The following FAF1 variants were observed in gnomAD, a reference collection of about 807,000 sequenced individuals.
The protein encoded by FAF1 is FAS-associated factor 1.
Under a neutral mutation model 92.5 loss-of-function variants are expected in FAF1, and 25 were observed. The observed-to-expected ratio is 0.27, with a 90% CI of 0.20 to 0.38. The LOEUF (loss-of-function observed/expected upper bound fraction) is 0.38, where lower values mean the gene tolerates loss of function less well. Ranked by LOEUF, FAF1 falls within the 10% of genes least tolerant of loss-of-function variation. The pLI is 1.00. For missense variants in FAF1, 636 were observed against 793.3 expected, an observed-to-expected ratio of 0.80 and a Z score of 2.38; for synonymous variants, 234 against 273.2, an observed-to-expected ratio of 0.86 and a Z score of 1.42.
At chr1:50,762,364 A>C (rs1244139348) in intron 4 of FAF1, among the ~76,000 whole-genome samples, 5 of 152,170 alleles carry the variant, frequency 3.3e-5, no homozygotes, top group African/African-American at 1.2e-4. Context: ...GGAACCAAAA[A>C]AGAGTCTGCA....
At chr1:50,735,958 A>T (rs1659120429) in intron 6 of FAF1, among the ~76,000 whole-genome samples, 1 of 152,152 alleles carries the variant, frequency 6.6e-6, no homozygotes, top group South Asian at 2.1e-4. Context: ...TTGTCAAGTG[A>T]TCCTCCCACC....
chr1:50,919,591 G>A (rs560376188), intron 1 of FAF1, among the ~76,000 whole-genome samples: 11 of 151,598 alleles, frequency 7.3e-5, no homozygotes, highest in African/African-American at 2.4e-4. Context: ...GGGTTCAAGC[G>A]ATTCTCCTGC....
chr1:50,561,843 ATGG>A (rs1294926385), intron 13 of FAF1, among the ~76,000 whole-genome samples: 61 of 147,392 alleles, frequency 4.1e-4, no homozygotes, highest in Middle Eastern at 6.9e-3. Flanking sequence ...GGATGGACGG[ATGG>A]ACGGAAGGAA....
intron 8 of FAF1, among the ~76,000 whole-genome samples, chr1:50,603,448 C>T (rs1652240334): frequency 6.6e-6 from 1 of 152,114 alleles, no homozygotes; most frequent in Non-Finnish European, 1.5e-5. Flanking sequence ...AGTAAGGAGT[C>T]CTGAAGATGA....
rs113771907 is a variant in FAF1 at position 50,456,739 on chromosome 1, G to A, written c.1870-15216C>T. On this transcript the variant is annotated intron_variant, in intron 18 of 18. Coordinates refer to ENST00000396153, the MANE Select transcript of FAF1 (RefSeq NM_007051.3). ...TCTGCTCTCAGGAGTATACAGTCTA[G>A]GGCAGAATGCTGACAAGAAAAGAAT... Among the ~76,000 whole-genome samples, 195 of 152,238 alleles carry A rather than the reference G, an allele frequency of 1.3e-3. 1 individual carries two copies. The highest frequency in any genetic ancestry group is 4.4e-3 in the African/African-American group (182 of 41,546).
intron 13 of FAF1, among the ~76,000 whole-genome samples, chr1:50,548,037 C>T (rs1184154017): frequency 6.6e-6 from 1 of 152,198 alleles, no homozygotes. Flanking sequence ...AATTCCTTCT[C>T]TAGCAATGCA....
intron 2 of FAF1, among the ~76,000 whole-genome samples, chr1:50,820,752 T>G (rs955833619): frequency 6.6e-6 from 1 of 152,156 alleles, no homozygotes; most frequent in Non-Finnish European, 1.5e-5. Context: ...GATGTTGGTC[T>G]TTTTGTGTCT....
chr1:50,923,731 C>T (rs1644983236), intron 1 of FAF1, among the ~76,000 whole-genome samples: 1 of 152,130 alleles, frequency 6.6e-6, no homozygotes, highest in South Asian at 2.1e-4. Flanking sequence ...GATCACTCAC[C>T]ATAAGTGGGA....
chr1:50,809,902 A>G (rs1662353006), intron 2 of FAF1, among the ~76,000 whole-genome samples: 1 of 152,222 alleles, frequency 6.6e-6, no homozygotes, highest in Admixed American at 6.5e-5. Context: ...TCAGCAGCAT[A>G]TCCAAAAGCT....
In FAF1 at chr1:50,915,128, T is replaced by C. The variant is rs188895221; in HGVS notation, c.45+44639A>G. On this transcript the variant is annotated intron_variant, in intron 1 of 18. Coordinates refer to ENST00000396153, the MANE Select transcript of FAF1 (RefSeq NM_007051.3). ...GCTCATGCCTGTAATCCTAGCACTT[T>C]GGAAGGCTGAGGCGGACAGATCACC... Among the ~76,000 whole-genome samples the C allele has an allele frequency of 1.1e-4, 16 of 152,304 alleles. No individual in the cohort carries two copies. In the East Asian group the frequency reaches 2.3e-3, roughly 22 times the overall value.
intron 2 of FAF1, among the ~76,000 whole-genome samples, chr1:50,828,253 T>C (rs910208334): frequency 2.0e-5 from 3 of 149,652 alleles, no homozygotes; most frequent in African/African-American, 7.5e-5. Flanking sequence ...GAAAAAAGGG[T>C]CTTTTCTTTT....
At chr1:50,894,639 TA>T (rs879791877) in intron 1 of FAF1, among the ~76,000 whole-genome samples, 151 of 141,722 alleles carry the variant, frequency 1.1e-3, no homozygotes, top group Non-Finnish European at 9.0e-4. Context: ...CTTAAGACAC[TA>T]AAAAAAAAAA....
At chr1:50,903,785 A>C (rs1458244693) in intron 1 of FAF1, among the ~76,000 whole-genome samples, 1 of 152,210 alleles carries the variant, frequency 6.6e-6, no homozygotes, top group Non-Finnish European at 1.5e-5. Context: ...TCCCTTAACA[A>C]GAAATTAGGG....
At chr1:50,928,782 C>CAAAAAAAAAAA (rs1157426126) in intron 1 of FAF1, among the ~76,000 whole-genome samples, 4 of 39,700 alleles carry the variant, frequency 1.0e-4, no homozygotes, top group East Asian at 8.5e-4. Context: ...GACTCCACCT[C>CAAAAAAAAAAA]AAAAAAAAAA....
At chr1:50,490,067 AAC>A (rs1646812214) in intron 17 of FAF1, among the ~76,000 whole-genome samples, 1 of 152,184 alleles carries the variant, frequency 6.6e-6, no homozygotes. Context: ...AAGAAATATT[AAC>A]AGTTTTGCAG....
At chr1:50,918,349 G>A (rs12741989) in intron 1 of FAF1, among the ~76,000 whole-genome samples, 1 of 91,518 alleles carries the variant, frequency 1.1e-5, no homozygotes, top group Non-Finnish European at 2.1e-5. Flanking sequence ...CCCCTCCCCC[G>A]ACCCCACCAC....
intron 1 of FAF1, among the ~76,000 whole-genome samples, chr1:50,863,179 T>C (rs1379621500): frequency 6.6e-6 from 1 of 151,864 alleles, no homozygotes; most frequent in Non-Finnish European, 1.5e-5. Context: ...CAGACCACAG[T>C]AGAATAAAAT....
chr1:50,656,476 G>T (rs1332714379), intron 7 of FAF1, among the ~76,000 whole-genome samples: 1 of 151,956 alleles, frequency 6.6e-6, no homozygotes, highest in Non-Finnish European at 1.5e-5. Context: ...ATGCATTAAA[G>T]ATGAGAAACT....
At chr1:50,603,896 A>G (rs566830699) in intron 8 of FAF1, among the ~76,000 whole-genome samples, 1 of 152,358 alleles carries the variant, frequency 6.6e-6, no homozygotes, top group Non-Finnish European at 1.5e-5. Flanking sequence ...ATCAATTATC[A>G]ACAAAACTCC....
Sources: gnomAD v4.1 joint callset for allele counts (sites outside exome capture counted in the v4.1 genomes callset) on GRCh38, gnomAD v4.1.1 for gene constraint, MANE v1.5 for transcripts, NCBI Gene and HGNC (gene_info 2026-07-23, HGNC 2026-07-21) for gene names.